The following BOD1L1 variants were observed in gnomAD, a reference collection of about 807,000 sequenced individuals.
BOD1L1 encodes the protein biorientation of chromosomes in cell division 1 like 1, also known as biorientation of chromosomes in cell division protein 1-like 1.
In BOD1L1, 86 loss-of-function variants were observed where a neutral mutation model predicts 240.7. The observed-to-expected ratio is 0.36, with a 90% CI of 0.30 to 0.43. The LOEUF (loss-of-function observed/expected upper bound fraction) is 0.43, where lower values mean the gene tolerates loss of function less well. Among genes scored for constraint, BOD1L1 ranks in the 20% least tolerant of loss-of-function variants. The pLI is 1.00. For synonymous variants in BOD1L1, 1,268 were observed against 1,272.3 expected (o/e 1.00, Z 0.07); for missense variants, 3,554 against 3,643.5 (o/e 0.98, Z 0.63).
chr4:13,626,319 CAAAAAAA>C (rs71169520), intron 1 of BOD1L1: 65 of 47,044 alleles, frequency 1.4e-3, no homozygotes, highest in African/African-American at 5.1e-3. Flanking sequence ...GACTCTGTCT[CAAAAAAA>C]AAAAAAAAAA....
chr4:13,589,516 A>T (rs1195106399), intron 14 of BOD1L1, among the ~76,000 whole-genome samples: 1 of 152,238 alleles, frequency 6.6e-6, no homozygotes, highest in African/African-American at 2.4e-5. Flanking sequence ...GAATGAGCAA[A>T]TAAGGTGGGG....
At chr4:13,572,090 A>G (rs1712256567) in intron 25 of BOD1L1, among the ~76,000 whole-genome samples, 1 of 152,252 alleles carries the variant, frequency 6.6e-6, no homozygotes, top group African/African-American at 2.4e-5. Flanking sequence ...AGAGGGGTAA[A>G]TAAAAGGAAT....
Position 13,595,806 on chromosome 4 carries a change from C to T in BOD1L1, c.8104+54G>A, listed in dbSNP as rs556734675. On this transcript the variant is annotated intron_variant, in intron 12 of 25. Transcript: ENST00000040738. Reference sequence around the variant, plus strand: ...GCTATTGATTTTTAGAAAGGTAAAACCACATGCAAGGCAAAAACAAAAACA... The same window carrying T: ...GCTATTGATTTTTAGAAAGGTAAAATCACATGCAAGGCAAAAACAAAAACA... 2.7e-6 allele frequency: 4 copies of T among 1,472,008 alleles called. No homozygotes were observed. In the African/African-American group the frequency reaches 5.6e-5, roughly 21 times the overall value. The allele number at this position is 1,472,008 out of a possible 1,614,324, so 91.2% of individuals were successfully genotyped here.
chr4:13,600,360 T>C lies in BOD1L1; in HGVS notation c.6540A>G (p.Thr2180=). ...CGGCGGTGCTTATCAAGACTGGACCTGTAGCCCTTTCTTCCACTGCTGCAG... is the reference window on the plus strand; with the variant it reads ...CGGCGGTGCTTATCAAGACTGGACCCGTAGCCCTTTCTTCCACTGCTGCAG... ...PVAAAVEERA[T]GPVLISTADF... Residue 2180 remains threonine, a synonymous_variant, in exon 10 of 26, where the codon ACA becomes ACG. Coordinates refer to ENST00000040738, the MANE Select transcript of BOD1L1 (RefSeq NM_148894.3). 3 of 1,614,038 alleles carry C rather than the reference T, an allele frequency of 1.9e-6. No homozygotes were observed. Among genetic ancestry groups the C allele is most frequent in the East Asian group, 2.2e-5 (1 of 44,870 alleles).
intron 14 of BOD1L1, 129 bp from the exon 15 acceptor site, chr4:13,588,921 G>A (rs1713952377): frequency 3.6e-6 from 2 of 557,810 alleles, no homozygotes; most frequent in East Asian, 3.0e-5. Flanking sequence ...GTTATATACA[G>A]GGCATTGTGG....
At chr4:13,612,732 T>C (rs1716267856) in intron 5 of BOD1L1, among the ~76,000 whole-genome samples, 1 of 152,262 alleles carries the variant, frequency 6.6e-6, no homozygotes, top group South Asian at 2.1e-4. Context: ...GTGCGAAGGC[T>C]CTTGAGTCAA....
In BOD1L1 at chr4:13,607,156, T is replaced by C. The variant is rs1422508299; in HGVS notation, c.1776A>G (p.Gln592=). The C allele has an allele frequency of 1.3e-6, 2 of 1,576,728 alleles. No individual in the cohort carries two copies. The highest frequency in any genetic ancestry group is 1.2e-5 in the South Asian group (1 of 86,190). The stretch of plus-strand genomic sequence containing the variant: ...GGGTTTCTTTGGAATCTTCTTCATA[T>C]TGCTGTTTCTTTTTGGAGTTCTCTT... The part of the protein sequence containing the change: ...NVEENSKKKQ[Q]YEEDSKETLK... The change falls in exon 9 of 26, where the codon CAA becomes CAG. Residue 592 remains glutamine (Q), a synonymous_variant. Coordinates refer to ENST00000040738, the MANE Select transcript of BOD1L1 (RefSeq NM_148894.3).
Position 13,602,235 on chromosome 4 carries a change from G to T in BOD1L1, c.4665C>A (p.Thr1555=), listed in dbSNP as rs551813262. The T allele has an allele frequency of 1.2e-6, 2 of 1,613,774 alleles. No homozygotes were observed. The highest frequency in any genetic ancestry group is 2.2e-5 in the South Asian group (2 of 91,044). Residue 1555 remains threonine, a synonymous_variant, in exon 10 of 26, where the codon ACC becomes ACA. Coordinates refer to ENST00000040738, the MANE Select transcript of BOD1L1 (RefSeq NM_148894.3). ...TGAGGCCTTCATCTGCCTCAATGCTGGTGCAAGGCAAAGCCACCTCACTTT... is the reference window on the plus strand; with the variant it reads ...TGAGGCCTTCATCTGCCTCAATGCTTGTGCAAGGCAAAGCCACCTCACTTT... ...TRQSEVALPC[T]SIEADEGLII...
intron 17 of BOD1L1, among the ~76,000 whole-genome samples, chr4:13,584,643 C>T (rs1399877564): frequency 6.6e-6 from 1 of 152,152 alleles, no homozygotes; most frequent in Non-Finnish European, 1.5e-5. Flanking sequence ...TGAACTGGCT[C>T]TTTCAGAGCC....
chr4:13,619,944 T>G lies in BOD1L1; in HGVS notation c.367A>C (p.Lys123Gln). 1 of 1,612,902 alleles carries G rather than the reference T, an allele frequency of 6.2e-7. No homozygotes were observed. The highest frequency in any genetic ancestry group is 8.5e-7 in the Non-Finnish European group (1 of 1,179,382). Reference protein sequence around the residue: ...LRNNIRQQVLKSGMLESGIDR... With the variant: ...LRNNIRQQVLQSGMLESGIDR... ...CAGAACTCTATCTCTGAGACTTACTTGAGGACTTGTTGTCTAATGTTGTTT... is the reference window on the plus strand; with the variant it reads ...CAGAACTCTATCTCTGAGACTTACTGGAGGACTTGTTGTCTAATGTTGTTT... Residue 123 changes from lysine (K) to glutamine (Q), a missense_variant and splice_region_variant, in exon 2 of 26, where the codon AAA becomes CAA. Lys to Gln is a moderately conservative substitution (Grantham distance 53). Transcript: ENST00000040738.
intron 8 of BOD1L1, among the ~76,000 whole-genome samples, chr4:13,607,728 G>GA (rs1715827492): frequency 6.6e-6 from 1 of 152,136 alleles, no homozygotes; most frequent in Admixed American, 6.5e-5. Flanking sequence ...GGTGCTAAAG[G>GA]AAAGTACAGC....
intron 1 of BOD1L1, among the ~76,000 whole-genome samples, chr4:13,623,029 C>T (rs1366765678): frequency 2.6e-5 from 4 of 152,212 alleles, no homozygotes; most frequent in African/African-American, 9.6e-5. Flanking sequence ...AAGCCCCAGA[C>T]AGCTGCATTG....
rs768052162 is a variant in BOD1L1 at position 13,600,709 on chromosome 4, C to T, written c.6191G>A (p.Gly2064Asp). Residue 2064 changes from glycine (G) to aspartate (D), a missense_variant, in exon 10 of 26, where the codon GGT becomes GAT. Gly to Asp is a moderately conservative substitution (Grantham distance 94). Transcript: ENST00000040738. Reference protein sequence around the residue: ...DITNQNSLAGGKNQGKVLIIS... With the variant: ...DITNQNSLAGDKNQGKVLIIS... ...AATCAAAACTTTGCCTTGATTTTTA[C>T]CCCCTGCTAAGCTATTCTGGTTGGT... is the stretch of plus-strand genomic sequence containing the variant. 1 of 1,613,960 alleles carries T rather than the reference C, an allele frequency of 6.2e-7. No individual in the cohort carries two copies. Among genetic ancestry groups the T allele is most frequent in the South Asian group, 1.1e-5 (1 of 91,078 alleles).
intron 25 of BOD1L1, among the ~76,000 whole-genome samples, chr4:13,572,422 C>T (rs1203733406): frequency 2.0e-5 from 3 of 152,164 alleles, no homozygotes; most frequent in Non-Finnish European, 4.4e-5. Flanking sequence ...AAATGCTTTA[C>T]CACACTGCCT....
rs1442208968 is a variant in BOD1L1 at position 13,571,162 on chromosome 4, C to G, written c.9039-1034G>C. Among the ~76,000 whole-genome samples the G allele has an allele frequency of 2.0e-5, 3 of 152,238 alleles. No individual in the cohort carries two copies. In the South Asian group the frequency reaches 6.2e-4, roughly 32 times the overall value. On this transcript the variant is annotated intron_variant, in intron 25 of 25. Transcript: ENST00000040738. ...GAAAGTCTTATACACATATATCTCC[C>G]CCATTAGACACGATGATTCTCTAGG...
intron 2 of BOD1L1, among the ~76,000 whole-genome samples, chr4:13,615,998 C>CA (rs1371275390): frequency 6.6e-6 from 1 of 152,072 alleles, no homozygotes; most frequent in African/African-American, 2.4e-5. Flanking sequence ...CATCAAATTG[C>CA]AAAATCAAAG....
At chr4:13,598,903 T>A in intron 10 of BOD1L1, 43 bp downstream of exon 10, 1 of 1,544,918 alleles carries the variant, frequency 6.5e-7, no homozygotes, top group Non-Finnish European at 8.8e-7. Context: ...TGTACAATCA[T>A]CCTTGTAAAT....
At chr4:13,598,599 TTC>T (rs1714808375) in intron 10 of BOD1L1, among the ~76,000 whole-genome samples, 1 of 152,214 alleles carries the variant, frequency 6.6e-6, no homozygotes, top group African/African-American at 2.4e-5. Flanking sequence ...TAGGGTATTC[TTC>T]TTTTTGATTG....
Position 13,601,367 on chromosome 4 carries a change from C to A in BOD1L1, c.5533G>T (p.Ala1845Ser), listed in dbSNP as rs1715141327. Reference protein sequence around the residue: ...AKEGTNVPLVAAGPCDDEGIV... With the variant: ...AKEGTNVPLVSAGPCDDEGIV... Reference sequence around the variant, plus strand: ...CCTTCATCATCACAAGGACCAGCAGCAACTAATGGTACATTAGTGCCTTCT... The same window carrying A: ...CCTTCATCATCACAAGGACCAGCAGAAACTAATGGTACATTAGTGCCTTCT... Residue 1845 changes from alanine (A) to serine (S), a missense_variant, in exon 10 of 26, where the codon GCT (alanine) becomes TCT (serine). By Grantham distance (99) the Ala-to-Ser change is moderately conservative (BLOSUM62 1). Coordinates refer to ENST00000040738, the MANE Select transcript of BOD1L1 (RefSeq NM_148894.3). 1 of 1,614,058 alleles carries A rather than the reference C, an allele frequency of 6.2e-7. No homozygotes were observed. The highest frequency in any genetic ancestry group is 8.5e-7 in the Non-Finnish European group (1 of 1,179,914).
Sources: allele counts gnomAD v4.1 joint callset (sites outside exome capture counted in the v4.1 genomes callset), GRCh38; gene constraint gnomAD v4.1.1; transcripts MANE v1.5; gene names NCBI Gene and HGNC (gene_info 2026-07-23, HGNC 2026-07-21).